GRIN2B: variants seen among roughly 807,000 people sequenced by gnomAD.
The protein encoded by GRIN2B is glutamate ionotropic receptor NMDA type subunit 2B.
Under a neutral mutation model 114.5 loss-of-function variants are expected in GRIN2B, and 5 were observed. The ratio of observed to expected loss-of-function variants is 0.04; its 90% CI spans 0.02 to 0.09. The LOEUF (loss-of-function observed/expected upper bound fraction) is 0.09, where lower values mean the gene tolerates loss of function less well. Ranked by LOEUF, GRIN2B falls within the 10% of genes least tolerant of loss-of-function variation. GRIN2B has a pLI of 1.00. For missense variants in GRIN2B, 1,108 were observed against 1,943.5 expected, an observed-to-expected ratio of 0.57 and a Z score of 8.08; for synonymous variants, 787 against 745.1, an observed-to-expected ratio of 1.06 and a Z score of -0.92.
chr12:13,791,782 A>G (rs1864326511), intron 3 of GRIN2B, among the ~76,000 whole-genome samples: 1 of 152,170 alleles, frequency 6.6e-6, no homozygotes, highest in Non-Finnish European at 1.5e-5. Context: ...CATCACATTT[A>G]ATATTTATCT....
chr12:13,559,889 C>T lies in GRIN2B; in HGVS notation c.*2894G>A, dbSNP rs1002925781. On this transcript the variant is annotated 3_prime_UTR_variant, in exon 14 of 14. Coordinates refer to ENST00000609686, the MANE Select transcript of GRIN2B (RefSeq NM_000834.5). ...CGCTGGGAGATTTCTCAGGATTGAG[C>T]TTCCTGAAACCTTTCAGTCACGCCA... The T allele has an allele frequency of 6.6e-6, 1 of 152,206 alleles. No homozygotes were observed. Among genetic ancestry groups the T allele is most frequent in the African/African-American group, 2.4e-5 (1 of 41,428 alleles). The allele number at this position is 152,206 out of a possible 1,614,324, so 9.4% of individuals were successfully genotyped here. A position where few individuals can be genotyped will look rare whatever the true frequency, so the allele number is the denominator to read the frequency against.
At chr12:13,773,648 A>T (rs949486235) in intron 3 of GRIN2B, among the ~76,000 whole-genome samples, 8 of 152,232 alleles carry the variant, frequency 5.3e-5, no homozygotes, top group African/African-American at 1.9e-4. Context: ...GGAGCCAAGG[A>T]TTCTGTTGAG....
At position 13,876,288 on chromosome 12, in the gene GRIN2B, C is replaced by T. The variant is rs138531560; in HGVS notation, c.-18-10062G>A. Among the ~76,000 whole-genome samples the T allele has an allele frequency of 1.7e-3, 252 of 152,290 alleles. 1 individual carries two copies. Among genetic ancestry groups the T allele is most frequent in the African/African-American group, 5.6e-3 (233 of 41,550 alleles). The stretch of plus-strand genomic sequence containing the variant: ...AATGGGAATTATTATCCTCACCTTA[C>T]AGAGTTGTTGTGAATATTAAACAAT... On this transcript the variant is annotated intron_variant, in intron 2 of 13. Coordinates refer to ENST00000609686, the MANE Select transcript of GRIN2B (RefSeq NM_000834.5).
chr12:13,544,367 CA>C lies in GRIN2B; in HGVS notation c.*18415del, dbSNP rs112887487. ...CCTTCTCATCTCCTGGAGCTTTGAA[CA>C]ATCCTCCACCCTGGGCCTCAGTCTA... On this transcript the variant is annotated 3_prime_UTR_variant, in exon 14 of 14. Coordinates refer to ENST00000609686, the MANE Select transcript of GRIN2B (RefSeq NM_000834.5). 4 of 152,360 alleles carry C rather than the reference CA, an allele frequency of 2.6e-5. No individual in the cohort carries two copies. Among genetic ancestry groups the C allele is most frequent in the African/African-American group, 9.6e-5 (4 of 41,542 alleles). The allele number at this position is 152,360 out of a possible 1,614,324, so 9.4% of individuals were successfully genotyped here. A position where few individuals can be genotyped will look rare whatever the true frequency, so the allele number is the denominator to read the frequency against.
chr12:13,716,432 G>T (rs1950456118), intron 4 of GRIN2B, among the ~76,000 whole-genome samples: 2 of 151,972 alleles, frequency 1.3e-5, no homozygotes, highest in South Asian at 4.2e-4. Context: ...AGCTCTAAGG[G>T]TGTGGAGCTA....
intron 3 of GRIN2B, among the ~76,000 whole-genome samples, chr12:13,847,100 C>T (rs1468186888): frequency 1.3e-5 from 2 of 152,182 alleles, no homozygotes; most frequent in Non-Finnish European, 2.9e-5. Context: ...CAGTCCAGGT[C>T]TGTCTGGGCC....
chr12:13,949,093 C>T (rs916023830), intron 2 of GRIN2B, among the ~76,000 whole-genome samples: 4 of 152,064 alleles, frequency 2.6e-5, no homozygotes, highest in Non-Finnish European at 5.9e-5. Flanking sequence ...GTGTGGTTGC[C>T]GGACTTTGGA....
intron 3 of GRIN2B, among the ~76,000 whole-genome samples, chr12:13,769,300 C>G (rs561021885): frequency 1.3e-5 from 2 of 152,130 alleles, no homozygotes; most frequent in East Asian, 3.9e-4. Flanking sequence ...CCCACCCCCT[C>G]AAGGCCCTTT....
At chr12:13,683,178 T>C (rs1205740488) in intron 4 of GRIN2B, among the ~76,000 whole-genome samples, 3 of 152,120 alleles carry the variant, frequency 2.0e-5, no homozygotes, top group African/African-American at 7.2e-5. Context: ...ATTAGTAAGA[T>C]ATTCTCATTC....
At chr12:13,619,593 A>G (rs1272906473) in intron 5 of GRIN2B, among the ~76,000 whole-genome samples, 1 of 152,238 alleles carries the variant, frequency 6.6e-6, no homozygotes, top group African/African-American at 2.4e-5. Context: ...CTTCAAGTCC[A>G]TTCATTTCAA....
intron 2 of GRIN2B, among the ~76,000 whole-genome samples, chr12:13,931,801 C>T (rs1346745603): frequency 6.6e-6 from 1 of 152,152 alleles, no homozygotes; most frequent in Non-Finnish European, 1.5e-5. Flanking sequence ...TTCATCCCTC[C>T]ATATGCAACC....
At chr12:13,832,155 A>T (rs1865160885) in intron 3 of GRIN2B, among the ~76,000 whole-genome samples, 1 of 151,978 alleles carries the variant, frequency 6.6e-6, no homozygotes. Flanking sequence ...TCTAAGAACT[A>T]TGTTTCTTCT....
At chr12:13,965,612 C>A (rs531782901) in intron 2 of GRIN2B, among the ~76,000 whole-genome samples, 11 of 152,068 alleles carry the variant, frequency 7.2e-5, no homozygotes, top group African/African-American at 2.4e-4. Context: ...TTACCAGTTC[C>A]CAATTATATT....
chr12:13,563,454 C>T lies in GRIN2B; in HGVS notation c.3784G>A (p.Glu1262Lys). 1 of 1,614,180 alleles carries T rather than the reference C, an allele frequency of 6.2e-7. No individual in the cohort carries two copies. The highest frequency in any genetic ancestry group is 8.5e-7 in the Non-Finnish European group (1 of 1,180,036). ...YDISEDNSLQELDQPAAPVAV... is the reference protein window; with the variant it reads ...YDISEDNSLQKLDQPAAPVAV... ...ACTGGGGCAGCCGGCTGGTCCAGTTCCTGCAGGGAGTTGTCCTCACTGATG... is the reference window on the plus strand; with the variant it reads ...ACTGGGGCAGCCGGCTGGTCCAGTTTCTGCAGGGAGTTGTCCTCACTGATG... Residue 1262 changes from glutamate to lysine, a missense_variant, in exon 14 of 14, where the codon GAA (glutamate) becomes AAA (lysine). Coordinates refer to ENST00000609686, the MANE Select transcript of GRIN2B (RefSeq NM_000834.5).
intron 2 of GRIN2B, among the ~76,000 whole-genome samples, chr12:13,966,539 G>A (rs1446435947): frequency 1.3e-5 from 2 of 152,074 alleles, no homozygotes; most frequent in Non-Finnish European, 2.9e-5. Flanking sequence ...TAGAAACATG[G>A]CACCTCGTGG....
chr12:13,758,614 A>T (rs1591715307), intron 3 of GRIN2B, among the ~76,000 whole-genome samples: 1 of 152,334 alleles, frequency 6.6e-6, no homozygotes, highest in African/African-American at 2.4e-5. Flanking sequence ...TTCAAACAAG[A>T]GCTGGATTAT....
Position 13,547,852 on chromosome 12 carries a change from A to G in GRIN2B, c.*14931T>C, listed in dbSNP as rs1247399809. On this transcript the variant is annotated 3_prime_UTR_variant, in exon 14 of 14. Transcript: ENST00000609686. Reference sequence around the variant, plus strand: ...ATTGTCGCAGTGTTGAAACTCTGAGATAAGAATTCCTTGCCCATCTTCTAA... The same window carrying G: ...ATTGTCGCAGTGTTGAAACTCTGAGGTAAGAATTCCTTGCCCATCTTCTAA... The G allele has an allele frequency of 6.6e-6, 1 of 151,580 alleles. No homozygotes were observed. Among genetic ancestry groups the G allele is most frequent in the Non-Finnish European group, 1.5e-5 (1 of 67,900 alleles). 9.4% of individuals were successfully genotyped at this position (151,580 alleles called of 1,614,324 possible). A position where few individuals can be genotyped will look rare whatever the true frequency, so the allele number is the denominator to read the frequency against.
chr12:13,743,691 C>T (rs1271938359), intron 4 of GRIN2B, among the ~76,000 whole-genome samples: 2 of 151,916 alleles, frequency 1.3e-5, no homozygotes, highest in Admixed American at 1.3e-4. Context: ...CTGTTGAAGT[C>T]CGCAGCCAAT....
intron 4 of GRIN2B, among the ~76,000 whole-genome samples, chr12:13,717,066 CGTGTGTGTGTGTGTGTGTGT>C (rs56360153): frequency 5.5e-5 from 8 of 145,922 alleles, no homozygotes; most frequent in Non-Finnish European, 1.1e-4. Context: ...ATGCCATACG[CGTGTGTGTGTGTGTGTGTGT>C]GTGTGTGTGT....
Sources: allele counts gnomAD v4.1 joint callset (sites outside exome capture counted in the v4.1 genomes callset), GRCh38; gene constraint gnomAD v4.1.1; transcripts MANE v1.5; gene names NCBI Gene and HGNC (gene_info 2026-07-23, HGNC 2026-07-21).